PPP6R3: variants seen among roughly 807,000 people sequenced by gnomAD.
PPP6R3 encodes the protein serine/threonine-protein phosphatase 6 regulatory subunit 3.
In PPP6R3, 38 loss-of-function variants were observed where a neutral mutation model predicts 110.7. That is an observed-to-expected ratio of 0.34 (90% confidence interval 0.26 to 0.45). The LOEUF (loss-of-function observed/expected upper bound fraction) is 0.45. PPP6R3 is among the 20% of genes least tolerant of loss of function. The pLI, the probability that PPP6R3 is intolerant of heterozygous loss-of-function variation, is 1.00. For missense variants in PPP6R3, 870 were observed against 1,062.4 expected, an observed-to-expected ratio of 0.82 and a Z score of 2.52; for synonymous variants, 369 against 373.5, an observed-to-expected ratio of 0.99 and a Z score of 0.14.
At chr11:68,480,630 A>G (rs191232954) in intron 1 of PPP6R3, among the ~76,000 whole-genome samples, 76 of 152,244 alleles carry the variant, frequency 5.0e-4, no homozygotes, top group African/African-American at 1.8e-3. Context: ...AGTCCAGCAA[A>G]TGTTTGTTTT....
intron 3 of PPP6R3, among the ~76,000 whole-genome samples, chr11:68,544,235 T>A (rs973742729): frequency 6.6e-6 from 1 of 152,220 alleles, no homozygotes; most frequent in Non-Finnish European, 1.5e-5. Context: ...GGACAACATT[T>A]TTTTTGTATA....
At chr11:68,542,334 G>T (rs1036725576) in intron 3 of PPP6R3, among the ~76,000 whole-genome samples, 1 of 151,060 alleles carries the variant, frequency 6.6e-6, no homozygotes, top group African/African-American at 2.4e-5. Context: ...TATGGAGGAG[G>T]AGGGGTCTTG....
At position 68,554,223 on chromosome 11, in the gene PPP6R3, A is replaced by G; in HGVS notation, c.697A>G (p.Thr233Ala). ...RDQMLQIQNS[T>A]EPDPLLATLE... ...CCAGATGTTACAAATTCAGAACAGT[A>G]CAGAGCCCGACCCCCTGCTTGCCAC... The change falls in exon 7 of 24, where the codon ACA (threonine) becomes GCA (alanine). Residue 233 changes from threonine to alanine, a missense_variant. Physicochemically the swap from Thr to Ala is moderately conservative, Grantham distance 58. Coordinates refer to ENST00000393800, the MANE Select transcript of PPP6R3 (RefSeq NM_001164161.2). 4 of 1,613,626 alleles carry G rather than the reference A, an allele frequency of 2.5e-6. No homozygotes were observed. Among genetic ancestry groups the G allele is most frequent in the Non-Finnish European group, 2.5e-6 (3 of 1,179,736 alleles).
At chr11:68,534,807 A>G (rs1417264891) in intron 2 of PPP6R3, among the ~76,000 whole-genome samples, 1 of 152,202 alleles carries the variant, frequency 6.6e-6, no homozygotes, top group African/African-American at 2.4e-5. Flanking sequence ...GAGGTGCATG[A>G]GCTGTATTAT....
At chr11:68,552,404 A>G (rs1248899161) in intron 6 of PPP6R3, among the ~76,000 whole-genome samples, 2 of 152,244 alleles carry the variant, frequency 1.3e-5, no homozygotes, top group African/African-American at 4.8e-5. Context: ...TCCATTCAGA[A>G]ACTTTTCATA....
intron 14 of PPP6R3, among the ~76,000 whole-genome samples, chr11:68,577,965 C>T (rs930224542): frequency 1.6e-4 from 24 of 152,292 alleles, no homozygotes; most frequent in African/African-American, 5.8e-4. Flanking sequence ...TAGCCCCACT[C>T]CAGAATTTTG....
intron 6 of PPP6R3, among the ~76,000 whole-genome samples, chr11:68,552,805 G>A (rs2099386167): frequency 6.6e-6 from 1 of 152,226 alleles, no homozygotes; most frequent in African/African-American, 2.4e-5. Flanking sequence ...CTAGGAAGAG[G>A]ATTGCTCAGT....
At chr11:68,493,329 C>G (rs532067654) in intron 1 of PPP6R3, among the ~76,000 whole-genome samples, 1 of 152,130 alleles carries the variant, frequency 6.6e-6, no homozygotes, top group African/African-American at 2.4e-5. Flanking sequence ...GTTAACATGT[C>G]TAGCCATTAT....
chr11:68,578,229 G>A (rs1392831226), intron 14 of PPP6R3, among the ~76,000 whole-genome samples: 1 of 152,116 alleles, frequency 6.6e-6, no homozygotes, highest in Non-Finnish European at 1.5e-5. Flanking sequence ...GTATCTCAGT[G>A]GGGTTGGGTA....
intron 9 of PPP6R3, among the ~76,000 whole-genome samples, chr11:68,566,719 G>A (rs2099473195): frequency 6.6e-6 from 1 of 152,090 alleles, no homozygotes; most frequent in Non-Finnish European, 1.5e-5. Flanking sequence ...TTTTTCCTAG[G>A]ATATTCTGTA....
chr11:68,537,967 A>T, intron 3 of PPP6R3, 76 bp downstream of exon 3: 1 of 1,123,872 alleles, frequency 8.9e-7, no homozygotes, highest in Admixed American at 2.3e-5. Flanking sequence ...TTGTTCAAGG[A>T]TTCTCCAGTG....
chr11:68,477,896 A>G (rs1168986840), intron 1 of PPP6R3, among the ~76,000 whole-genome samples: 1 of 150,920 alleles, frequency 6.6e-6, no homozygotes, highest in Non-Finnish European at 1.5e-5. Context: ...TTTCATCTGT[A>G]AAGTTTAGAT....
intron 10 of PPP6R3, among the ~76,000 whole-genome samples, chr11:68,567,876 T>A (rs1169408596): frequency 1.3e-5 from 2 of 152,190 alleles, no homozygotes; most frequent in Admixed American, 6.5e-5. Context: ...ACAGGCATTG[T>A]AATGTTCATC....
intron 3 of PPP6R3, among the ~76,000 whole-genome samples, chr11:68,538,660 T>C (rs1014054199): frequency 1.3e-5 from 2 of 152,234 alleles, no homozygotes; most frequent in Admixed American, 1.3e-4. Flanking sequence ...AGACATCTTT[T>C]CCTTTCGTCT....
At chr11:68,573,215 A>G (rs370376293) in intron 12 of PPP6R3, among the ~76,000 whole-genome samples, 2 of 144,350 alleles carry the variant, frequency 1.4e-5, no homozygotes, top group Admixed American at 1.4e-4. Context: ...CAGTAGCACA[A>G]TCCTGGCTCA....
chr11:68,602,173 C>T (rs1274780704), intron 21 of PPP6R3, among the ~76,000 whole-genome samples: 1 of 152,186 alleles, frequency 6.6e-6, no homozygotes, highest in Admixed American at 6.5e-5. Flanking sequence ...CTCTAAGTTA[C>T]CAGGCATGCA....
intron 20 of PPP6R3, among the ~76,000 whole-genome samples, chr11:68,601,233 C>T (rs557789271): frequency 2.0e-5 from 3 of 152,254 alleles, no homozygotes; most frequent in Non-Finnish European, 2.9e-5. Context: ...CTGTTTATAA[C>T]CCGAGGATAA....
chr11:68,463,962 C>G (rs72934475), intron 1 of PPP6R3, among the ~76,000 whole-genome samples: 6,004 of 152,246 alleles, frequency 0.039, 185 homozygotes, highest in Non-Finnish European at 0.064. Flanking sequence ...CTCCTCCCTG[C>G]CCGCCAGCAA....
At position 68,549,948 on chromosome 11, in the gene PPP6R3, T is replaced by C. The variant is rs141501739; in HGVS notation, c.553-1173T>C. 9.4e-4 allele frequency among the ~76,000 whole-genome samples: 143 copies of C among 152,272 alleles called. 1 individual carries two copies. The East Asian group carries it at 0.022, about 24-fold the overall frequency. On this transcript the variant is annotated intron_variant, in intron 5 of 23. Transcript: ENST00000393800. ...CTGTGGAGACAGCAGGAGTCTGGGA[T>C]TGATTAGTTCGCCGCCTGGAAAGTT...
Sources: allele counts gnomAD v4.1 joint callset (sites outside exome capture counted in the v4.1 genomes callset), GRCh38; gene constraint gnomAD v4.1.1; transcripts MANE v1.5; gene names NCBI Gene and HGNC (gene_info 2026-07-23, HGNC 2026-07-21).